NOTCH2NLA: variants seen among roughly 807,000 people sequenced by gnomAD.
The protein encoded by NOTCH2NLA is notch homolog 2 N-terminal-like protein A.
intron 2 of NOTCH2NLA, among the ~76,000 whole-genome samples, chr1:146,186,498 G>A (rs1175737004): frequency 7.0e-6 from 1 of 143,816 alleles, no homozygotes; most frequent in Non-Finnish European, 1.6e-5. Flanking sequence ...GGGATTACAG[G>A]TGCGTGCCAC....
At chr1:146,187,842 C>T (rs1662858219) in intron 2 of NOTCH2NLA, among the ~76,000 whole-genome samples, 1 of 136,656 alleles carries the variant, frequency 7.3e-6, no homozygotes, top group East Asian at 2.0e-4. Flanking sequence ...GAATGCACCA[C>T]ATTTTTTTTT....
chr1:146,158,280 A>AG (rs1559370244), intron 3 of NOTCH2NLA, among the ~76,000 whole-genome samples: 1 of 145,286 alleles, frequency 6.9e-6, no homozygotes, highest in Non-Finnish European at 1.5e-5. Context: ...CTCGTCATTT[A>AG]CATTAGGTAC....
intron 1 of NOTCH2NLA, among the ~76,000 whole-genome samples, chr1:146,226,277 GAGA>G (rs1451719603): frequency 8.3e-6 from 1 of 120,910 alleles, no homozygotes; most frequent in African/African-American, 3.6e-5. Flanking sequence ...GTTTAAGCAA[GAGA>G]AGAATTCAGC....
chr1:146,174,516 C>T (rs879951661), intron 2 of NOTCH2NLA, among the ~76,000 whole-genome samples: 1 of 145,460 alleles, frequency 6.9e-6, no homozygotes, highest in Non-Finnish European at 1.5e-5. Flanking sequence ...GCATGCTTTA[C>T]AAAACAGCTA....
chr1:146,219,877 C>A (rs1664023934), intron 1 of NOTCH2NLA, among the ~76,000 whole-genome samples: 1 of 78,964 alleles, frequency 1.3e-5, no homozygotes, highest in Non-Finnish European at 2.3e-5. Context: ...AGACGTATAC[C>A]AAAAAATTAA....
intron 2 of NOTCH2NLA, among the ~76,000 whole-genome samples, chr1:146,186,553 A>C (rs1298120335): frequency 3.7e-5 from 5 of 135,218 alleles, no homozygotes; most frequent in African/African-American, 1.3e-4. Flanking sequence ...ATGGGATTTC[A>C]CCGTGTTAGC....
intron 2 of NOTCH2NLA, among the ~76,000 whole-genome samples, chr1:146,175,202 ACT>A (rs1199728973): frequency 7.8e-6 from 1 of 127,402 alleles, no homozygotes; most frequent in East Asian, 2.0e-4. Flanking sequence ...TAATTCTGTC[ACT>A]CTGTGTAAAG....
At chr1:146,174,605 G>A (rs1299655467) in intron 2 of NOTCH2NLA, among the ~76,000 whole-genome samples, 39 of 141,328 alleles carry the variant, frequency 2.8e-4, no homozygotes, top group African/African-American at 9.3e-4. Context: ...GGGTTGCGTC[G>A]GCACTGCAGC....
rs1400621643 is a variant in NOTCH2NLA, at chr1:146,181,957, CTCT to C, written c.38+7340_38+7342del. 2.9e-4 allele frequency among the ~76,000 whole-genome samples: 28 copies of C among 97,734 alleles called. 2 individuals carry two copies. The highest frequency in any genetic ancestry group is 6.8e-4 in the Non-Finnish European group (27 of 39,646). The allele number at this position is 97,734 out of a possible 152,430, so 64.1% of individuals were successfully genotyped here. ...ATCCTCTATCCCCACCTTCACTGCCCTCTTCTTCTATTTCATCCACAGTTATTA... is the reference window on the plus strand; with the variant it reads ...ATCCTCTATCCCCACCTTCACTGCCCTCTTCTATTTCATCCACAGTTATTA... On this transcript the variant is annotated intron_variant, in intron 2 of 4. Coordinates refer to ENST00000362074, the Ensembl canonical transcript of NOTCH2NLA.
At chr1:146,172,498 C>T (rs1352145804) in intron 2 of NOTCH2NLA, among the ~76,000 whole-genome samples, 18 of 151,506 alleles carry the variant, frequency 1.2e-4, no homozygotes, top group African/African-American at 3.2e-4. Flanking sequence ...TCGAACACTC[C>T]ATATTATTTC....
chr1:146,185,674 C>A (rs1262731708), intron 2 of NOTCH2NLA, among the ~76,000 whole-genome samples: 6 of 129,808 alleles, frequency 4.6e-5, no homozygotes, highest in Non-Finnish European at 1.1e-4. Flanking sequence ...GCTGTCTAAA[C>A]AGATAGTCAG....
chr1:146,210,602 A>AACAC lies in NOTCH2NLA; in HGVS notation c.-45+18103_-45+18106dup, dbSNP rs3978525. ...AATTCCAAGGTCTATTCCTCCTCCC[A>AACAC]ACACACACACACACACACACACGCA... On this transcript the variant is annotated intron_variant, in intron 1 of 4. Transcript: ENST00000362074. Among the ~76,000 whole-genome samples, 10 of 101,426 alleles carry AACAC rather than the reference A, an allele frequency of 9.9e-5. 1 individual carries two copies. The highest frequency in any genetic ancestry group is 7.5e-4 in the East Asian group (3 of 4,018). 66.5% of individuals were successfully genotyped at this position (101,426 alleles called of 152,430 possible).
At chr1:146,174,449 AAACAAC>A (rs1327240768) in intron 2 of NOTCH2NLA, among the ~76,000 whole-genome samples, 2 of 149,880 alleles carry the variant, frequency 1.3e-5, no homozygotes, top group African/African-American at 4.9e-5. Context: ...GCCATTCAAG[AAACAAC>A]AACAACAACA....
intron 2 of NOTCH2NLA, among the ~76,000 whole-genome samples, chr1:146,180,664 C>T (rs1172445085): frequency 1.3e-4 from 18 of 143,332 alleles, no homozygotes; most frequent in Non-Finnish European, 2.4e-4. Context: ...ATGCATAACA[C>T]AGTCGCATGT....
rs374464213 is a variant in NOTCH2NLA, at chr1:146,195,055, C to T, written c.-44-5674G>A. Among the ~76,000 whole-genome samples the T allele has an allele frequency of 1.8e-3, 192 of 109,422 alleles. 28 individuals are homozygous for T. Among genetic ancestry groups the T allele is most frequent in the African/African-American group, 7.4e-3 (179 of 24,220 alleles). 71.8% of individuals were successfully genotyped at this position (109,422 alleles called of 152,430 possible). A position where few individuals can be genotyped will look rare whatever the true frequency, so the allele number is the denominator to read the frequency against. ...TCCTCACAGGGCCACCCCCCCCCAT[C>T]CTTGTAACACTCATGACTCTCAATT... On this transcript the variant is annotated intron_variant, in intron 1 of 4. Transcript: ENST00000362074.
rs1202222101 is a variant in NOTCH2NLA at position 146,158,273 on chromosome 1, G to A, written c.299-1458C>T. 8.9e-5 allele frequency among the ~76,000 whole-genome samples: 13 copies of A among 145,824 alleles called. No individual in the cohort carries two copies. In the East Asian group the frequency reaches 1.0e-3, roughly 11 times the overall value. On this transcript the variant is annotated intron_variant, in intron 3 of 4. Transcript: ENST00000362074. Reference sequence around the variant, plus strand: ...GTTGGTGTGCTGCACCCATTAACTCGTCATTTACATTAGGTACATCTCCTA... The same window carrying A: ...GTTGGTGTGCTGCACCCATTAACTCATCATTTACATTAGGTACATCTCCTA...
At chr1:146,186,442 C>T (rs1485747285) in intron 2 of NOTCH2NLA, among the ~76,000 whole-genome samples, 3 of 145,066 alleles carry the variant, frequency 2.1e-5, no homozygotes, top group African/African-American at 7.4e-5. Flanking sequence ...GCAAGCTCCG[C>T]CTCCTGGGTT....
Position 146,185,352 on chromosome 1 carries a change from C to T in NOTCH2NLA, c.38+3948G>A, listed in dbSNP as rs1461987852. On this transcript the variant is annotated intron_variant, in intron 2 of 4. Transcript: ENST00000362074. ...AATTTAATTACATATTTACACCTCC[C>T]AGTAGGACAAGGGAAAGAATAAAAT... Among the ~76,000 whole-genome samples the T allele has an allele frequency of 1.5e-5, 2 of 134,766 alleles. 1 individual carries two copies. The highest frequency in any genetic ancestry group is 1.6e-4 in the Admixed American group (2 of 12,900). The allele number at this position is 134,766 out of a possible 152,430, so 88.4% of individuals were successfully genotyped here. A position where few individuals can be genotyped will look rare whatever the true frequency, so the allele number is the denominator to read the frequency against.
At chr1:146,223,871 A>G (rs1664131460) in intron 1 of NOTCH2NLA, among the ~76,000 whole-genome samples, 1 of 104,774 alleles carries the variant, frequency 9.5e-6, no homozygotes, top group African/African-American at 3.5e-5. Flanking sequence ...AAAGGTGGGA[A>G]AGCAGGAGTC....
Sources: gnomAD v4.1 joint callset for allele counts (sites outside exome capture counted in the v4.1 genomes callset) on GRCh38, gnomAD v4.1.1 for gene constraint, MANE v1.5 for transcripts, NCBI Gene and HGNC (gene_info 2026-07-23, HGNC 2026-07-21) for gene names.